ACO1: variants seen among roughly 807,000 people sequenced by gnomAD.
The protein encoded by ACO1 is cytoplasmic aconitate hydratase.
Under a neutral mutation model 105.1 loss-of-function variants are expected in ACO1, and 78 were observed. The ratio of observed to expected loss-of-function variants is 0.74; its 90% CI spans 0.62 to 0.90. The LOEUF is 0.90. Among genes scored for constraint, ACO1 ranks in the 40% least tolerant of loss-of-function variants. The probability of loss-of-function intolerance (pLI) is 0.00; values close to 1 mark genes in which losing one functional copy is unlikely to be tolerated. For missense variants in ACO1, 965 were observed against 1,111.1 expected, an observed-to-expected ratio of 0.87 and a Z score of 1.87; for synonymous variants, 364 against 397.4, an observed-to-expected ratio of 0.92 and a Z score of 1.00.
At chr9:32,390,284 G>C (rs10758137) in intron 1 of ACO1, among the ~76,000 whole-genome samples, 146,135 of 152,312 alleles carry the variant, frequency 0.96, 70,285 homozygotes, top group Non-Finnish European at 1. Flanking sequence ...AACTGCTGAG[G>C]AGCCCCTGAA....
chr9:32,421,669 C>T (rs1025528982), intron 8 of ACO1, among the ~76,000 whole-genome samples: 4 of 152,068 alleles, frequency 2.6e-5, no homozygotes, highest in Non-Finnish European at 4.4e-5. Context: ...GCCAACATGG[C>T]GAAACTCCCA....
chr9:32,408,509 C>T lies in ACO1; in HGVS notation c.267-5C>T. The stretch of plus-strand genomic sequence containing the variant: ...TTTTCTGCATTATTCTCTTTCTTCT[C>T]TTAGGGGTGTGCCCGCTGTGGTTGA... On this transcript the variant is annotated splice_region_variant and splice_polypyrimidine_tract_variant and intron_variant, in intron 3 of 20. Coordinates refer to ENST00000309951, the MANE Select transcript of ACO1 (RefSeq NM_002197.3). The T allele has an allele frequency of 2.5e-6, 4 of 1,613,934 alleles. No individual in the cohort carries two copies. The highest frequency in any genetic ancestry group is 2.5e-6 in the Non-Finnish European group (3 of 1,179,932).
At chr9:32,428,763 G>A (rs1309532548) in intron 12 of ACO1, among the ~76,000 whole-genome samples, 5 of 152,110 alleles carry the variant, frequency 3.3e-5, no homozygotes, top group Non-Finnish European at 7.4e-5. Context: ...AGAATGGCAT[G>A]AACCTGGGAG....
chr9:32,408,769 AAAACTT>A (rs1821671412), intron 4 of ACO1, 118 bp downstream of exon 4: 3 of 1,260,242 alleles, frequency 2.4e-6, no homozygotes, highest in East Asian at 2.5e-5. Context: ...TATCTTCTGA[AAAACTT>A]AAACTTCATA....
At chr9:32,430,093 T>C (rs1822192422) in intron 13 of ACO1, among the ~76,000 whole-genome samples, 1 of 152,232 alleles carries the variant, frequency 6.6e-6, no homozygotes, top group African/African-American at 2.4e-5. Flanking sequence ...TAATTGTGCA[T>C]TGTGACTTCC....
chr9:32,412,792 A>C (rs1563934520), intron 4 of ACO1, among the ~76,000 whole-genome samples: 1 of 152,188 alleles, frequency 6.6e-6, no homozygotes, highest in Admixed American at 6.5e-5. Flanking sequence ...TAGGATAAAG[A>C]CCCACTTCAG....
In ACO1 at chr9:32,387,116, C is replaced by T. The variant is rs548705213; in HGVS notation, c.-23+2381C>T. On this transcript the variant is annotated intron_variant, in intron 1 of 20. Transcript: ENST00000309951. ...GCAAAGAACTTCCTTTGCCTTCTTT[C>T]CCCCACTCTTCCTTCTACATAGGAA... 3.3e-5 allele frequency among the ~76,000 whole-genome samples: 5 copies of T among 152,282 alleles called. No individual in the cohort carries two copies. The East Asian group carries it at 9.6e-4, about 29-fold the overall frequency.
Position 32,433,809 on chromosome 9 carries a change from T to A in ACO1, c.1933T>A (p.Ser645Thr). The change falls in exon 16 of 21, where the codon TCA (serine) becomes ACA (threonine). Residue 645 changes from serine (S) to threonine (T), a missense_variant. By Grantham distance (58) the Ser-to-Thr change is moderately conservative (BLOSUM62 1). Coordinates refer to ENST00000309951, the MANE Select transcript of ACO1 (RefSeq NM_002197.3). The stretch of plus-strand genomic sequence containing the variant: ...GAATTCCAAATCTACGTATATCAAA[T>A]CACCACCATTCTTTGAAAACCTGGT... ...FWNSKSTYIKSPPFFENLTLD... is the reference protein window; with the variant it reads ...FWNSKSTYIKTPPFFENLTLD... 6.2e-7 allele frequency: 1 copy of A among 1,609,326 alleles called. No individual in the cohort carries two copies.
rs1386587105 is a variant in ACO1 at position 32,453,688 on chromosome 9, C to T, written c.*3577C>T. 1 of 152,178 alleles carries T rather than the reference C, an allele frequency of 6.6e-6. No homozygotes were observed. Among genetic ancestry groups the T allele is most frequent in the Non-Finnish European group, 1.5e-5 (1 of 68,028 alleles). The allele number at this position is 152,178 out of a possible 1,614,324, so 9.4% of individuals were successfully genotyped here. ...ACCTTATTTTTAGCAGTTTCCCTTT[C>T]AGGGCTCTAACAGGACTGTGGAGTA... On this transcript the variant is annotated 3_prime_UTR_variant, in exon 21 of 21. Transcript: ENST00000309951.
At chr9:32,395,557 A>C (rs1821356354) in intron 1 of ACO1, among the ~76,000 whole-genome samples, 1 of 152,178 alleles carries the variant, frequency 6.6e-6, no homozygotes, top group South Asian at 2.1e-4. Flanking sequence ...ACTACACCAC[A>C]CTGGTGACCA....
At position 32,421,431 on chromosome 9, in the gene ACO1, C is replaced by T. The variant is rs923273829; in HGVS notation, c.970+404C>T. On this transcript the variant is annotated intron_variant, in intron 8 of 20. Transcript: ENST00000309951. ...ACTAGTTAATTAACATTAGAGAAAACTGAGGAGCAGAGAAGTGTTCATACC... is the reference window on the plus strand; with the variant it reads ...ACTAGTTAATTAACATTAGAGAAAATTGAGGAGCAGAGAAGTGTTCATACC... Among the ~76,000 whole-genome samples, 4 of 152,258 alleles carry T rather than the reference C, an allele frequency of 2.6e-5. No individual in the cohort carries two copies. The East Asian group carries it at 7.7e-4, about 29-fold the overall frequency.
Position 32,440,557 on chromosome 9 carries a change from A to C in ACO1, c.2340A>C (p.Arg780=), listed in dbSNP as rs768437373. The C allele has an allele frequency of 1.2e-6, 2 of 1,613,928 alleles. No homozygotes were observed. The highest frequency in any genetic ancestry group is 1.7e-6 in the Non-Finnish European group (2 of 1,179,926). ...AAGAGTACGGTGCAGGCAGCTCCCGAGACTGGGCAGCTAAGGGCCCTTTCC... is the reference window on the plus strand; with the variant it reads ...AAGAGTACGGTGCAGGCAGCTCCCGCGACTGGGCAGCTAAGGGCCCTTTCC... The part of the protein sequence containing the change: ...AGKEYGAGSS[R]DWAAKGPFLL... Residue 780 remains arginine (R), a synonymous_variant, in exon 19 of 21, where the codon CGA becomes CGC. Coordinates refer to ENST00000309951, the MANE Select transcript of ACO1 (RefSeq NM_002197.3).
At chr9:32,433,597 T>C in intron 15 of ACO1, 131 bp from the exon 16 acceptor site, 2 of 654,850 alleles carry the variant, frequency 3.1e-6, no homozygotes, top group Non-Finnish European at 2.6e-6. Context: ...AAAGGAACTC[T>C]TGTATGTGGC....
In ACO1 at chr9:32,435,783, C is replaced by G. The variant is rs894107392; in HGVS notation, c.2100-467C>G. Among the ~76,000 whole-genome samples the G allele has an allele frequency of 6.6e-5, 10 of 152,268 alleles. 1 individual carries two copies. The highest frequency in any genetic ancestry group is 5.9e-4 in the Admixed American group (9 of 15,294). On this transcript the variant is annotated intron_variant, in intron 17 of 20. Coordinates refer to ENST00000309951, the MANE Select transcript of ACO1 (RefSeq NM_002197.3). Reference sequence around the variant, plus strand: ...CCTTTGCATTGAGTTCCTGATAATTCAGGGACAAATTTGAAACTATTTCTG... The same window carrying G: ...CCTTTGCATTGAGTTCCTGATAATTGAGGGACAAATTTGAAACTATTTCTG...
chr9:32,446,863 T>C (rs1015402275), intron 19 of ACO1, among the ~76,000 whole-genome samples: 3 of 152,224 alleles, frequency 2.0e-5, no homozygotes, highest in Non-Finnish European at 4.4e-5. Context: ...CGGCTGGATA[T>C]GAAATTTTCG....
At chr9:32,412,643 T>G (rs1381088777) in intron 4 of ACO1, among the ~76,000 whole-genome samples, 3 of 152,220 alleles carry the variant, frequency 2.0e-5, no homozygotes, top group Non-Finnish European at 2.9e-5. Context: ...TTCCCTTTCC[T>G]TTGGACTCTG....
rs770327588 is a variant in ACO1 at position 32,420,968 on chromosome 9, G to A, written c.911G>A (p.Gly304Glu). ...ATIANMCPEY[G>E]ATAAFFPVDE... is the part of the protein sequence containing the mutation. ...ATTGCTAACATGTGTCCAGAGTACG[G>A]AGCAACTGCTGCCTTTTTCCCAGTT... The change falls in exon 8 of 21, where the codon GGA becomes GAA. Residue 304 changes from glycine (G) to glutamate (E), a missense_variant. Gly to Glu is a moderately conservative substitution (Grantham distance 98). Transcript: ENST00000309951. The A allele has an allele frequency of 2.5e-6, 4 of 1,614,140 alleles. No individual in the cohort carries two copies. Among genetic ancestry groups the A allele is most frequent in the African/African-American group, 1.3e-5 (1 of 75,038 alleles).
In ACO1 at chr9:32,395,882, C is replaced by T. The variant is rs148538165; in HGVS notation, c.-22-9603C>T. 3.9e-5 allele frequency among the ~76,000 whole-genome samples: 6 copies of T among 152,324 alleles called. No individual in the cohort carries two copies. In the East Asian group the frequency reaches 9.7e-4, roughly 25 times the overall value. ...TTGTGCTGCTGCAACTAATTTAAAA[C>T]GAGCTTAGAGGATGTGTTAAGTCTT... On this transcript the variant is annotated intron_variant, in intron 1 of 20. Transcript: ENST00000309951.
At chr9:32,447,872 G>A (rs1229077887) in intron 19 of ACO1, among the ~76,000 whole-genome samples, 1 of 152,166 alleles carries the variant, frequency 6.6e-6, no homozygotes, top group African/African-American at 2.4e-5. Context: ...TTCAGACCCT[G>A]TTTGCCTGGG....
Sources: allele counts gnomAD v4.1 joint callset (sites outside exome capture counted in the v4.1 genomes callset), GRCh38; gene constraint gnomAD v4.1.1; transcripts MANE v1.5; gene names NCBI Gene and HGNC (gene_info 2026-07-23, HGNC 2026-07-21).